Variants in PCDHAC2 observed in about 807,000 individuals in gnomAD.
PCDHAC2 encodes protocadherin alpha-C2.
Under a neutral mutation model 63.3 loss-of-function variants are expected in PCDHAC2, and 24 were observed. That is an observed-to-expected ratio of 0.38 (90% CI 0.27 to 0.53). PCDHAC2 has a LOEUF of 0.53. PCDHAC2 is among the 20% of genes least tolerant of loss of function. PCDHAC2 has a pLI of 0.81. For synonymous variants in PCDHAC2, 569 were observed against 529.4 expected, an observed-to-expected ratio of 1.07 and a Z score of -1.03; for missense variants, 1,181 against 1,275.2, an observed-to-expected ratio of 0.93 and a Z score of 1.12.
intron 3 of PCDHAC2, among the ~76,000 whole-genome samples, chr5:140,998,586 CAG>C (rs1340236276): frequency 1.4e-5 from 2 of 147,292 alleles, no homozygotes; most frequent in African/African-American, 5.1e-5. Context: ...TTTTTTGAGA[CAG>C]AGTTTTGCTC....
At chr5:141,000,361 GTC>G (rs148596731) in intron 3 of PCDHAC2, among the ~76,000 whole-genome samples, 577 of 26,370 alleles carry the variant, frequency 0.022, 17 homozygotes, top group Admixed American at 0.027. Context: ...GTCTCTCTCT[GTC>G]TCTCTCTCTC....
chr5:140,982,362 A>ATTCTGCTC, intron 2 of PCDHAC2, 113 bp from the exon 3 acceptor site: 1 of 1,531,968 alleles, frequency 6.5e-7, no homozygotes, highest in Non-Finnish European at 8.8e-7. Context: ...GCATGAGCAG[A>ATTCTGCTC]ATGTGTTAGC....
chr5:140,992,757 G>A (rs1345373474), intron 3 of PCDHAC2, among the ~76,000 whole-genome samples: 2 of 152,110 alleles, frequency 1.3e-5, no homozygotes, highest in Non-Finnish European at 2.9e-5. Context: ...CCTGTGTTGG[G>A]GATAGGAGGG....
intron 2 of PCDHAC2, 37 bp from the exon 3 acceptor site, chr5:140,982,438 T>G: frequency 3.8e-5 from 61 of 1,608,838 alleles, no homozygotes; most frequent in Non-Finnish European, 4.8e-5. Context: ...AAAGAATTTA[T>G]GATCTAACCG....
At chr5:140,983,997 G>A (rs1191316440) in intron 3 of PCDHAC2, among the ~76,000 whole-genome samples, 1 of 152,194 alleles carries the variant, frequency 6.6e-6, no homozygotes, top group Non-Finnish European at 1.5e-5. Context: ...CAATTCATTA[G>A]AGAGCTAATA....
intron 1 of PCDHAC2, among the ~76,000 whole-genome samples, chr5:140,974,875 A>G (rs934874769): frequency 1.6e-4 from 24 of 152,174 alleles, no homozygotes; most frequent in Non-Finnish European, 1.9e-4. Context: ...GGAACAGTCT[A>G]TGTATCCCTT....
intron 1 of PCDHAC2, among the ~76,000 whole-genome samples, chr5:140,978,570 G>C (rs151127662): frequency 6.6e-6 from 1 of 152,196 alleles, no homozygotes; most frequent in Middle Eastern, 3.2e-3. Flanking sequence ...CTGTAATACT[G>C]AATTGGGAAT....
chr5:140,969,863 C>G (rs1305470999), intron 1 of PCDHAC2, among the ~76,000 whole-genome samples: 2 of 152,156 alleles, frequency 1.3e-5, no homozygotes, highest in Non-Finnish European at 2.9e-5. Context: ...CTGGTACTTG[C>G]ACTGAACCTA....
chr5:140,986,000 A>G (rs549071976), intron 3 of PCDHAC2, among the ~76,000 whole-genome samples: 1 of 151,922 alleles, frequency 6.6e-6, no homozygotes, highest in Non-Finnish European at 1.5e-5. Flanking sequence ...CAGCCTCCCA[A>G]AGTGCTGGGA....
chr5:140,974,440 C>T (rs782138345), intron 1 of PCDHAC2, among the ~76,000 whole-genome samples: 7 of 152,182 alleles, frequency 4.6e-5, no homozygotes, highest in Admixed American at 1.3e-4. Context: ...TGTAAATTAG[C>T]ATTTTAAATG....
rs1554254172 is a variant in PCDHAC2, at chr5:140,994,436, C to G, written c.2713+11873C>G. On this transcript the variant is annotated intron_variant, in intron 3 of 3. Coordinates refer to ENST00000289269, the MANE Select transcript of PCDHAC2 (RefSeq NM_018899.6). ...TGGATATTGAGGCCGGGCGCAGTGG[C>G]TCACACCTGTGATCCCAGCACTTTG... 1.3e-5 allele frequency among the ~76,000 whole-genome samples: 2 copies of G among 152,164 alleles called. 1 individual carries two copies. Among genetic ancestry groups the G allele is most frequent in the African/African-American group, 4.8e-5 (2 of 41,432 alleles).
rs35184029 is a variant in PCDHAC2 at position 140,997,668 on chromosome 5, TTGTGTG to T, written c.2714-11935_2714-11930del. Among the ~76,000 whole-genome samples the T allele has an allele frequency of 3.7e-4, 55 of 148,336 alleles. 1 individual carries two copies. The South Asian group carries it at 5.8e-3, about 16-fold the overall frequency. On this transcript the variant is annotated intron_variant, in intron 3 of 3. Coordinates refer to ENST00000289269, the MANE Select transcript of PCDHAC2 (RefSeq NM_018899.6). ...AATGCAATATGTATTATTATACAGC[TTGTGTG>T]TGTGTGTGTGTGTGTGTGTGTGTAT...
At chr5:140,991,754 G>A (rs1554252407) in intron 3 of PCDHAC2, among the ~76,000 whole-genome samples, 2 of 152,034 alleles carry the variant, frequency 1.3e-5, no homozygotes, top group African/African-American at 4.8e-5. Context: ...TTTCTATCAT[G>A]CTCTTCAAAA....
chr5:141,006,636 A>G (rs1322633928), intron 3 of PCDHAC2, among the ~76,000 whole-genome samples: 3 of 152,210 alleles, frequency 2.0e-5, no homozygotes, highest in African/African-American at 7.2e-5. Context: ...TGCAATTCAT[A>G]TAAGAGATGA....
chr5:140,993,462 TCACA>T (rs3836747), intron 3 of PCDHAC2, among the ~76,000 whole-genome samples: 18,508 of 140,892 alleles, frequency 0.13, 1,341 homozygotes, highest in African/African-American at 0.21. Flanking sequence ...TCTTTCTTTC[TCACA>T]CACACACACA....
chr5:140,969,822 G>A (rs559271640), intron 1 of PCDHAC2, among the ~76,000 whole-genome samples: 68 of 152,320 alleles, frequency 4.5e-4, no homozygotes, highest in Non-Finnish European at 8.4e-4. Flanking sequence ...ACTCTGGACT[G>A]TCTACAGTGG....
At chr5:140,987,824 G>A (rs1032765154) in intron 3 of PCDHAC2, among the ~76,000 whole-genome samples, 1 of 151,972 alleles carries the variant, frequency 6.6e-6, no homozygotes, top group Non-Finnish European at 1.5e-5. Flanking sequence ...TGTTTCCTTA[G>A]GGGATTGCTT....
intron 3 of PCDHAC2, chr5:140,989,128 G>T (rs2097330831): frequency 1.3e-5 from 2 of 152,178 alleles, no homozygotes; most frequent in Non-Finnish European, 2.9e-5. Flanking sequence ...AGAAAAATAA[G>T]ACACTTTATC....
chr5:140,967,025 C>A lies in PCDHAC2; in HGVS notation c.259C>A (p.Pro87Thr). 1.2e-6 allele frequency: 2 copies of A among 1,608,362 alleles called. No homozygotes were observed. Among genetic ancestry groups the A allele is most frequent in the Non-Finnish European group, 8.5e-7 (1 of 1,177,850 alleles). The change falls in exon 1 of 4, where the codon CCG (proline) becomes ACG (threonine). Residue 87 changes from proline (P) to threonine (T), a missense_variant. Transcript: ENST00000289269. ...LRINHLGAPS[P>T]RYLELDLTSG... ...CATCAACCATCTGGGTGCGCCCAGT[C>A]CGCGCTACCTGGAGCTGGACCTGAC...
Sources: gnomAD v4.1 joint callset for allele counts (sites outside exome capture counted in the v4.1 genomes callset) on GRCh38, gnomAD v4.1.1 for gene constraint, MANE v1.5 for transcripts, NCBI Gene and HGNC (gene_info 2026-07-23, HGNC 2026-07-21) for gene names.